Variants in ROPN1 observed in about 807,000 individuals in gnomAD.
ROPN1 encodes rhophilin associated tail protein 1, also known as ropporin-1A.
In ROPN1, 14 loss-of-function variants were observed where a neutral mutation model predicts 20.5. The ratio of observed to expected loss-of-function variants is 0.68; its 90% CI spans 0.45 to 1.07. The LOEUF (loss-of-function observed/expected upper bound fraction) is 1.07. Among genes scored for constraint, ROPN1 ranks in the 50% least tolerant of loss-of-function variants. ROPN1 has a pLI of 0.00. For missense variants in ROPN1, 169 were observed against 242.8 expected (o/e 0.70, Z 2.02); for synonymous variants, 76 against 95.7 (o/e 0.79, Z 1.20).
intron 1 of ROPN1, among the ~76,000 whole-genome samples, chr3:123,990,965 A>G (rs1213061440): frequency 6.6e-6 from 1 of 152,202 alleles, no homozygotes; most frequent in African/African-American, 2.4e-5. Context: ...AGAATCTCAG[A>G]GGGTTTCTAT....
Position 123,979,873 on chromosome 3 carries a change from A to G in ROPN1, c.116+493T>C, listed in dbSNP as rs187837438. The G allele has an allele frequency of 9.4e-4, 331 of 352,126 alleles. 4 individuals are homozygous for G. The highest frequency in any genetic ancestry group is 8.6e-3 in the Middle Eastern group (9 of 1,046). 21.8% of individuals were successfully genotyped at this position (352,126 alleles called of 1,614,324 possible). A position where few individuals can be genotyped will look rare whatever the true frequency, so the allele number is the denominator to read the frequency against. ...TATGAGTTTTAACAGCAGGGGAGGA[A>G]GTGTCTCCTTAAAGGAGTGAACTAG... On this transcript the variant is annotated intron_variant, in intron 2 of 5. Coordinates refer to ENST00000405845, the MANE Select transcript of ROPN1 (RefSeq NM_001317774.2).
chr3:123,978,184 A>G (rs531763453), intron 2 of ROPN1, among the ~76,000 whole-genome samples: 33 of 152,002 alleles, frequency 2.2e-4, no homozygotes, highest in Admixed American at 1.0e-3. Flanking sequence ...AGTAATTGCC[A>G]GTCACCCCTT....
chr3:123,990,068 CT>C (rs2149006021), intron 1 of ROPN1, among the ~76,000 whole-genome samples: 1 of 152,284 alleles, frequency 6.6e-6, no homozygotes, highest in East Asian at 1.9e-4. Context: ...CTTTGTTGGA[CT>C]CTGAAACACG....
intron 4 of ROPN1, chr3:123,974,850 A>G (rs2037987701): frequency 5.8e-6 from 1 of 171,162 alleles, no homozygotes. Flanking sequence ...TGGAAAAGGC[A>G]TAAATCTGTA....
intron 1 of ROPN1, among the ~76,000 whole-genome samples, chr3:123,988,626 C>A (rs894608769): frequency 6.6e-6 from 1 of 152,204 alleles, no homozygotes; most frequent in Admixed American, 6.5e-5. Flanking sequence ...ATCTAGAGGG[C>A]AGATGAAGCT....
At chr3:123,990,691 G>T (rs1022079539) in intron 1 of ROPN1, among the ~76,000 whole-genome samples, 17 of 149,352 alleles carry the variant, frequency 1.1e-4, no homozygotes, top group Non-Finnish European at 1.6e-4. Context: ...GATAGTGTAG[G>T]TCTTCTTCAA....
chr3:123,980,408 G>A lies in ROPN1; in HGVS notation c.74C>T (p.Ala25Val), dbSNP rs756977554. 5.0e-6 allele frequency: 8 copies of A among 1,614,046 alleles called. No individual in the cohort carries two copies. The African/African-American group carries it at 1.1e-4, about 22-fold the overall frequency. ...GAGGTCCTGCGGCTGCACCCTAATG[G>A]CGGCTTTGGCAAACTCCTTCAGCAT... ...PKMLKEFAKA[A>V]IRVQPQDLIQ... The change falls in exon 2 of 6, where the codon GCC (alanine) becomes GTC (valine). Residue 25 changes from alanine (A) to valine (V), a missense_variant. This residue lies in a region of ROPN1 where 84 missense variants were observed against 99.3 expected (regional missense o/e 0.85). Coordinates refer to ENST00000405845, the MANE Select transcript of ROPN1 (RefSeq NM_001317774.2).
At chr3:123,978,173 C>G (rs545970097) in intron 2 of ROPN1, among the ~76,000 whole-genome samples, 104 of 152,188 alleles carry the variant, frequency 6.8e-4, no homozygotes, top group African/African-American at 1.8e-3. Context: ...TGGACTAAAG[C>G]AGTAATTGCC....
intron 1 of ROPN1, among the ~76,000 whole-genome samples, chr3:123,987,994 T>A (rs542786184): frequency 1.6e-4 from 25 of 152,356 alleles, no homozygotes; most frequent in African/African-American, 6.0e-4. Flanking sequence ...GTAAACTATG[T>A]CCTGTAAAGT....
intron 4 of ROPN1, among the ~76,000 whole-genome samples, chr3:123,972,367 A>G (rs1167573984): frequency 6.6e-6 from 1 of 152,202 alleles, no homozygotes; most frequent in Non-Finnish European, 1.5e-5. Context: ...TTTTTTTGGG[A>G]TCCGCTTCAC....
At chr3:123,982,068 A>T (rs2038161104) in intron 1 of ROPN1, among the ~76,000 whole-genome samples, 1 of 152,216 alleles carries the variant, frequency 6.6e-6, no homozygotes, top group South Asian at 2.1e-4. Context: ...AGGTATAGGT[A>T]CACCTGAAAA....
chr3:123,977,557 G>A (rs146326616), intron 2 of ROPN1, among the ~76,000 whole-genome samples: 24 of 152,284 alleles, frequency 1.6e-4, no homozygotes, highest in Middle Eastern at 3.4e-3. Context: ...AACAAAAAAG[G>A]AGGGAAGGGG....
chr3:123,985,436 T>TTA (rs2038231171), intron 1 of ROPN1, among the ~76,000 whole-genome samples: 1 of 152,212 alleles, frequency 6.6e-6, no homozygotes, highest in Non-Finnish European at 1.5e-5. Context: ...AACAAAGAAG[T>TTA]TATATGATTT....
intron 1 of ROPN1, among the ~76,000 whole-genome samples, chr3:123,987,246 G>T (rs977369459): frequency 2.6e-5 from 4 of 152,226 alleles, no homozygotes; most frequent in Non-Finnish European, 5.9e-5. Flanking sequence ...AGAGCAGGTT[G>T]CTCCTTGCTA....
chr3:123,980,031 C>G, intron 2 of ROPN1: 1 of 499,270 alleles, frequency 2.0e-6, no homozygotes, highest in East Asian at 3.1e-5. Flanking sequence ...CTTCTTTCCA[C>G]CGGGAGTGGG....
intron 2 of ROPN1, chr3:123,980,143 C>A: frequency 1.7e-6 from 1 of 585,362 alleles, no homozygotes; most frequent in Middle Eastern, 3.1e-4. Flanking sequence ...TGGCGTCCTA[C>A]TGCTCAATCT....
At chr3:123,972,690 T>G (rs2037940800) in intron 4 of ROPN1, among the ~76,000 whole-genome samples, 1 of 152,232 alleles carries the variant, frequency 6.6e-6, no homozygotes, top group Non-Finnish European at 1.5e-5. Flanking sequence ...TAAAAATTCC[T>G]GTTACTAGAT....
At chr3:123,973,460 G>C (rs2037953162) in intron 4 of ROPN1, among the ~76,000 whole-genome samples, 1 of 152,162 alleles carries the variant, frequency 6.6e-6, no homozygotes, top group African/African-American at 2.4e-5. Flanking sequence ...CAGGATGTCA[G>C]AGGTAGATGA....
In ROPN1 at chr3:123,972,334, G is replaced by T. The variant is rs527876471; in HGVS notation, c.397-2117C>A. ...AACTGACATAAACCTAAAGTAAACA[G>T]ATCTTCATTCTCTTGCACAATATTT... On this transcript the variant is annotated intron_variant, in intron 4 of 5. Transcript: ENST00000405845. Among the ~76,000 whole-genome samples the T allele has an allele frequency of 2.6e-5, 4 of 152,322 alleles. No individual in the cohort carries two copies. In the East Asian group the frequency reaches 7.7e-4, roughly 29 times the overall value.
Sources: allele counts gnomAD v4.1 joint callset (sites outside exome capture counted in the v4.1 genomes callset), GRCh38; gene constraint gnomAD v4.1.1; regional missense constraint gnomAD v4.1.1; transcripts MANE v1.5; gene names NCBI Gene and HGNC (gene_info 2026-07-23, HGNC 2026-07-21).